The following ADAMTSL1 variants were observed in gnomAD, a reference collection of about 807,000 sequenced individuals.
The protein encoded by ADAMTSL1 is ADAMTS like 1, also known as ADAMTS-like protein 1.
ADAMTSL1 carries 126 observed loss-of-function variants against 201.8 expected under a neutral mutation model. That is an observed-to-expected ratio of 0.62 (90% CI 0.54 to 0.72). The LOEUF is 0.72. Ranked by LOEUF, ADAMTSL1 falls within the 30% of genes least tolerant of loss-of-function variation. ADAMTSL1 has a pLI of 0.00. For missense variants in ADAMTSL1, 2,679 were observed against 2,277.8 expected (o/e 1.18, Z -3.59); for synonymous variants, 1,121 against 903.4 (o/e 1.24, Z -4.32).
At position 18,012,227 on chromosome 9, in the gene ADAMTSL1, G is replaced by C. The variant is rs139491001; in HGVS notation, c.87+105305G>C. On this transcript the variant is annotated intron_variant, in intron 1 of 29. Coordinates refer to the ADAMTSL1 transcript ENST00000680146. ...CAGTCAGAAGAGTAGCTTTGGGAAG[G>C]GTGGTGGCTTCTAACAGATGGCCCA... Among the ~76,000 whole-genome samples the C allele has an allele frequency of 2.0e-3, 301 of 152,112 alleles. 1 individual carries two copies. The highest frequency in any genetic ancestry group is 0.01 in the Middle Eastern group (3 of 294).
chr9:17,956,396 G>C (rs899720174), intron 1 of ADAMTSL1, among the ~76,000 whole-genome samples: 1 of 152,156 alleles, frequency 6.6e-6, no homozygotes, highest in Non-Finnish European at 1.5e-5. Flanking sequence ...AAGAAAGTCG[G>C]CAATATTGTT....
At chr9:18,106,818 G>A (rs973994071) in intron 1 of ADAMTSL1, among the ~76,000 whole-genome samples, 2 of 152,184 alleles carry the variant, frequency 1.3e-5, no homozygotes, top group African/African-American at 4.8e-5. Context: ...GTTCTAGCCA[G>A]CAGGAAAAAT....
intron 2 of ADAMTSL1, among the ~76,000 whole-genome samples, chr9:18,391,297 A>G (rs1191057093): frequency 6.6e-6 from 1 of 152,204 alleles, no homozygotes; most frequent in African/African-American, 2.4e-5. Flanking sequence ...TAATTGCATC[A>G]AAATTACTAG....
intron 4 of ADAMTSL1, 96 bp from the exon 5 acceptor site, chr9:18,622,147 G>A: frequency 6.7e-7 from 1 of 1,488,730 alleles, no homozygotes; most frequent in Non-Finnish European, 9.1e-7. Flanking sequence ...GGCCCCTCAG[G>A]GATGAAGGGA....
At chr9:18,481,880 G>GA (rs1821746399) in intron 1 of ADAMTSL1, among the ~76,000 whole-genome samples, 1 of 152,154 alleles carries the variant, frequency 6.6e-6, no homozygotes, top group Admixed American at 6.5e-5. Context: ...CATTATGTGT[G>GA]ACCAATGTCT....
At chr9:18,812,128 C>T (rs774913667) in intron 20 of ADAMTSL1, among the ~76,000 whole-genome samples, 9 of 152,050 alleles carry the variant, frequency 5.9e-5, no homozygotes, top group Non-Finnish European at 1.2e-4. Flanking sequence ...AGCAAAGGAA[C>T]TAGAATAGCA....
chr9:18,461,625 GA>G (rs1054526039), intron 2 of ADAMTSL1, among the ~76,000 whole-genome samples: 4 of 151,122 alleles, frequency 2.6e-5, no homozygotes, highest in Admixed American at 6.6e-5. Flanking sequence ...AAAGTTTAAA[GA>G]AAAAAAAATT....
chr9:18,711,910 A>G (rs1372606010), intron 14 of ADAMTSL1, among the ~76,000 whole-genome samples: 5 of 149,708 alleles, frequency 3.3e-5, no homozygotes, highest in South Asian at 2.1e-4. Context: ...GAGAACGGGC[A>G]GACTGCCTCC....
At chr9:18,294,683 AG>A (rs1833403896) in intron 2 of ADAMTSL1, among the ~76,000 whole-genome samples, 5 of 152,180 alleles carry the variant, frequency 3.3e-5, no homozygotes, top group Non-Finnish European at 5.9e-5. Flanking sequence ...CAGACTCCAG[AG>A]GGGGCTCTGA....
intron 2 of ADAMTSL1, among the ~76,000 whole-genome samples, chr9:18,285,185 T>C (rs1000573086): frequency 2.6e-5 from 4 of 152,188 alleles, no homozygotes; most frequent in East Asian, 3.8e-4. Context: ...TATAAAAGTG[T>C]CCGTTCCTTT....
chr9:18,292,709 G>A (rs1833322368), intron 2 of ADAMTSL1, among the ~76,000 whole-genome samples: 1 of 152,110 alleles, frequency 6.6e-6, no homozygotes, highest in South Asian at 2.1e-4. Flanking sequence ...TTCAGCTTTT[G>A]GTCTGTTGGA....
chr9:18,870,494 G>T (rs1346299120), intron 23 of ADAMTSL1, among the ~76,000 whole-genome samples: 1 of 152,098 alleles, frequency 6.6e-6, no homozygotes, highest in Non-Finnish European at 1.5e-5. Flanking sequence ...TCTGGGGTCT[G>T]CCTGCTAAAA....
intron 2 of ADAMTSL1, among the ~76,000 whole-genome samples, chr9:18,447,707 G>A (rs139306905): frequency 5.8e-4 from 88 of 152,282 alleles, no homozygotes; most frequent in African/African-American, 2.0e-3. Context: ...CTTTCTGAAT[G>A]TCTATTGCTG....
chr9:18,574,480 C>A, intron 4 of ADAMTSL1: 1 of 605,822 alleles, frequency 1.7e-6, no homozygotes. Context: ...TTTTTCTTTC[C>A]TTGAGTGTCA....
At chr9:18,540,809 T>A (rs1405771830) in intron 3 of ADAMTSL1, among the ~76,000 whole-genome samples, 1 of 152,058 alleles carries the variant, frequency 6.6e-6, no homozygotes, top group East Asian at 1.9e-4. Flanking sequence ...GTAGGAAGAC[T>A]CTTAAGTGAG....
chr9:18,635,879 G>T (rs1827079029), intron 5 of ADAMTSL1, 64 bp from the exon 6 acceptor site: 1 of 1,390,968 alleles, frequency 7.2e-7, no homozygotes. Flanking sequence ...CCTTTATTTA[G>T]AAGGCAATCA....
chr9:18,791,335 T>C (rs1219755708), intron 19 of ADAMTSL1, among the ~76,000 whole-genome samples: 2 of 152,140 alleles, frequency 1.3e-5, no homozygotes, highest in Non-Finnish European at 2.9e-5. Flanking sequence ...GTATGTATAA[T>C]AACAGGAGTC....
chr9:18,218,439 A>T (rs9298790), intron 2 of ADAMTSL1, among the ~76,000 whole-genome samples: 49,946 of 152,086 alleles, frequency 0.33, 8,478 homozygotes, highest in East Asian at 0.46. Context: ...TGATGAGCTT[A>T]ATCATTCCTA....
At chr9:18,296,696 C>G (rs1471207823) in intron 2 of ADAMTSL1, among the ~76,000 whole-genome samples, 1 of 152,096 alleles carries the variant, frequency 6.6e-6, no homozygotes, top group East Asian at 1.9e-4. Context: ...ATGTATTTTA[C>G]TAGTTTAAAG....
Sources: allele counts gnomAD v4.1 joint callset (sites outside exome capture counted in the v4.1 genomes callset), GRCh38; gene constraint gnomAD v4.1.1; transcripts MANE v1.5; gene names NCBI Gene and HGNC (gene_info 2026-07-23, HGNC 2026-07-21).